Variants in DHX15 observed in about 807,000 individuals in gnomAD.
DHX15 encodes ATP-dependent RNA helicase DHX15.
In DHX15, 11 loss-of-function variants were observed where a neutral mutation model predicts 94.4. The ratio of observed to expected loss-of-function variants is 0.12; its 90% CI spans 0.07 to 0.19. DHX15 has a LOEUF of 0.19. Among genes scored for constraint, DHX15 ranks in the 10% least tolerant of loss-of-function variants. DHX15 has a pLI of 1.00. For synonymous variants in DHX15, 338 were observed against 329.9 expected (o/e 1.02, Z -0.27); for missense variants, 304 against 988.5 (o/e 0.31, Z 9.29).
Position 24,576,698 on chromosome 4 carries a change from A to C in DHX15, c.72-20T>G, listed in dbSNP as rs1299913690. 1 of 1,606,584 alleles carries C rather than the reference A, an allele frequency of 6.2e-7. No homozygotes were observed. Among genetic ancestry groups the C allele is most frequent in the East Asian group, 2.2e-5 (1 of 44,728 alleles). The stretch of plus-strand genomic sequence containing the variant: ...TCCTTCCTAAAAACAAAAATTTAGA[A>C]TTCAGATTCTGAATTTTATGCAGAA... On this transcript the variant is annotated intron_variant, in intron 1 of 13. Coordinates refer to ENST00000336812, the MANE Select transcript of DHX15 (RefSeq NM_001358.3).
chr4:24,528,131 C>T (rs1720999496), intron 13 of DHX15, 90 bp from the exon 14 acceptor site: 2 of 807,586 alleles, frequency 2.5e-6, no homozygotes, highest in Non-Finnish European at 4.1e-6. Flanking sequence ...CATTAATATA[C>T]TGATGAACCA....
At chr4:24,573,840 CAT>C (rs927336448) in intron 2 of DHX15, among the ~76,000 whole-genome samples, 5 of 152,136 alleles carry the variant, frequency 3.3e-5, no homozygotes, top group African/African-American at 1.2e-4. Flanking sequence ...ATTCCTTCCT[CAT>C]GTGCAGTTAT....
In DHX15 at chr4:24,542,155, A is replaced by G. The variant is rs114416208; in HGVS notation, c.1336-133T>C. ...ATCGATAGCCATAAATCATGCTGCTACAATAGACAACCCACCATCCTGAAC... is the reference window on the plus strand; with the variant it reads ...ATCGATAGCCATAAATCATGCTGCTGCAATAGACAACCCACCATCCTGAAC... On this transcript the variant is annotated intron_variant, in intron 7 of 13. Transcript: ENST00000336812. The G allele has an allele frequency of 6.6e-5, 45 of 686,710 alleles. No homozygotes were observed. The African/African-American group carries it at 7.7e-4, about 12-fold the overall frequency. 42.5% of individuals were successfully genotyped at this position (686,710 alleles called of 1,614,324 possible).
chr4:24,569,695 C>T (rs1722079836), intron 3 of DHX15, among the ~76,000 whole-genome samples: 1 of 151,390 alleles, frequency 6.6e-6, no homozygotes, highest in African/African-American at 2.4e-5. Context: ...AGACTCATAT[C>T]ACTGCCTACA....
intron 9 of DHX15, 80 bp from the exon 10 acceptor site, chr4:24,540,379 T>C: frequency 1.6e-6 from 2 of 1,243,730 alleles, no homozygotes; most frequent in Non-Finnish European, 2.2e-6. Context: ...TTATAAGCAA[T>C]CTCATTTTTC....
rs757790980 is a variant in DHX15 at position 24,576,423 on chromosome 4, C to G, written c.327G>C (p.Thr109=). 3 of 1,613,988 alleles carry G rather than the reference C, an allele frequency of 1.9e-6. No homozygotes were observed. In the South Asian group the frequency reaches 3.3e-5, roughly 18 times the overall value. ...HSTHAGHAGH[T]SLPQCINPFT... ...ACGGATTAATGCACTGTGGAAGTGA[C>G]GTGTGACCTGCATGTCCGGCATGCG... The change falls in exon 2 of 14, where the codon ACG becomes ACC. Residue 109 remains threonine, a synonymous_variant. Coordinates refer to ENST00000336812, the MANE Select transcript of DHX15 (RefSeq NM_001358.3).
At chr4:24,552,186 A>G (rs1305220867) in intron 5 of DHX15, among the ~76,000 whole-genome samples, 3 of 152,218 alleles carry the variant, frequency 2.0e-5, no homozygotes, top group Admixed American at 2.0e-4. Flanking sequence ...GAGGAAAAGA[A>G]GTTTCAACAG....
intron 1 of DHX15, among the ~76,000 whole-genome samples, chr4:24,581,179 C>T (rs1480452224): frequency 6.6e-6 from 1 of 152,022 alleles, no homozygotes. Context: ...CAGGTGCCCG[C>T]CACCACACCC....
At chr4:24,545,866 C>T (rs1164711611) in intron 6 of DHX15, among the ~76,000 whole-genome samples, 1 of 152,156 alleles carries the variant, frequency 6.6e-6, no homozygotes, top group African/African-American at 2.4e-5. Flanking sequence ...TTCAAAGAGC[C>T]TTAAAAAGTG....
chr4:24,535,826 T>A lies in DHX15; in HGVS notation c.1909+1225A>T, dbSNP rs191784725. Among the ~76,000 whole-genome samples the A allele has an allele frequency of 3.4e-3, 512 of 152,294 alleles. 3 individuals are homozygous for A. Among genetic ancestry groups the A allele is most frequent in the African/African-American group, 0.012 (478 of 41,540 alleles). On this transcript the variant is annotated intron_variant, in intron 11 of 13. Coordinates refer to ENST00000336812, the MANE Select transcript of DHX15 (RefSeq NM_001358.3). ...TGTGCCAAAGTCAACAGGCTCCCCA[T>A]TTTAAGAGTATAACTGAGATGTTTA...
chr4:24,540,228 T>A lies in DHX15; in HGVS notation c.1666A>T (p.Thr556Ser), dbSNP rs199863119. The A allele has an allele frequency of 6.2e-7, 1 of 1,613,532 alleles. No individual in the cohort carries two copies. Among genetic ancestry groups the A allele is most frequent in the East Asian group, 2.2e-5 (1 of 44,860 alleles). The change falls in exon 10 of 14, where the codon ACT (threonine) becomes TCT (serine). Residue 556 changes from threonine (T) to serine (S), a missense_variant. Transcript: ENST00000336812. ...LAALNDDGDL[T>S]ELGSMMAEFP... ...TCTGCCATCATGGATCCCAATTCAG[T>A]CAGATCTCCATCATCATTTAAAGCA...
chr4:24,573,096 A>G (rs916350239), intron 2 of DHX15, among the ~76,000 whole-genome samples: 1 of 152,292 alleles, frequency 6.6e-6, no homozygotes, highest in South Asian at 2.1e-4. Context: ...TTTTTAGTAG[A>G]GATGGGGTTT....
At chr4:24,573,290 C>T (rs1051295840) in intron 2 of DHX15, among the ~76,000 whole-genome samples, 11 of 152,164 alleles carry the variant, frequency 7.2e-5, no homozygotes, top group Admixed American at 1.3e-4. Context: ...AACTGATCCT[C>T]GGTGTTCTAG....
intron 6 of DHX15, among the ~76,000 whole-genome samples, chr4:24,547,861 GTCTC>G (rs36229958): frequency 0.26 from 32,104 of 124,822 alleles, 5,356 homozygotes; most frequent in Non-Finnish European, 0.36. Flanking sequence ...AGACATATAT[GTCTC>G]TCTCTCTCTC....
intron 3 of DHX15, among the ~76,000 whole-genome samples, chr4:24,558,082 C>T (rs1352461368): frequency 6.6e-6 from 1 of 151,898 alleles, no homozygotes; most frequent in Non-Finnish European, 1.5e-5. Flanking sequence ...ACTCAGTGCT[C>T]ATTTCAACAT....
intron 11 of DHX15, among the ~76,000 whole-genome samples, chr4:24,536,260 A>G (rs1254048030): frequency 1.3e-5 from 2 of 152,140 alleles, no homozygotes; most frequent in African/African-American, 2.4e-5. Context: ...CAATTTTTCC[A>G]CTGGTGGGCA....
At chr4:24,549,431 G>A (rs766324502) in intron 5 of DHX15, among the ~76,000 whole-genome samples, 7 of 152,202 alleles carry the variant, frequency 4.6e-5, no homozygotes, top group African/African-American at 7.2e-5. Context: ...TTAATGTCAC[G>A]TATCACTAAT....
At chr4:24,545,306 C>T (rs999764084) in intron 6 of DHX15, among the ~76,000 whole-genome samples, 1 of 152,160 alleles carries the variant, frequency 6.6e-6, no homozygotes, top group African/African-American at 2.4e-5. Flanking sequence ...TCTCATGTGA[C>T]CAACTCTTTA....
chr4:24,546,315 A>G (rs1168625856), intron 6 of DHX15, among the ~76,000 whole-genome samples: 2 of 152,240 alleles, frequency 1.3e-5, no homozygotes, highest in Non-Finnish European at 2.9e-5. Flanking sequence ...GCTCTGAACC[A>G]TATTAATCAG....
Sources: gnomAD v4.1 joint callset for allele counts (sites outside exome capture counted in the v4.1 genomes callset) on GRCh38, gnomAD v4.1.1 for gene constraint, MANE v1.5 for transcripts, NCBI Gene and HGNC (gene_info 2026-07-23, HGNC 2026-07-21) for gene names.